The following LNX1 variants were observed in gnomAD, a reference collection of about 807,000 sequenced individuals.
LNX1 encodes ligand of numb-protein X 1, also known as E3 ubiquitin-protein ligase LNX.
In LNX1, 54 loss-of-function variants were observed where a neutral mutation model predicts 68.4. The observed-to-expected ratio is 0.79, with a 90% confidence interval of 0.63 to 0.99. LNX1 has a LOEUF of 0.99. LNX1 is among the 50% of genes least tolerant of loss of function. LNX1 has a pLI of 0.00. For missense variants in LNX1, 906 were observed against 926.4 expected, an observed-to-expected ratio of 0.98 and a Z score of 0.29; for synonymous variants, 336 against 350.0, an observed-to-expected ratio of 0.96 and a Z score of 0.45.
Position 53,460,162 on chromosome 4 carries a change from C to A in LNX1, c.*745G>T. The A allele has an allele frequency of 5.0e-6, 1 of 198,916 alleles. No homozygotes were observed. Among genetic ancestry groups the A allele is most frequent in the Non-Finnish European group, 1.0e-5 (1 of 96,184 alleles). The allele number at this position is 198,916 out of a possible 1,614,324, so 12.3% of individuals were successfully genotyped here. On this transcript the variant is annotated 3_prime_UTR_variant, in exon 11 of 11. Transcript: ENST00000263925. ...CATGACCATGTCTGTGAGCCAGGGT[C>A]AAGCTGGTTTGGCCTTCTTGATGCA...
At chr4:53,532,947 T>G (rs1461671806) in intron 2 of LNX1, among the ~76,000 whole-genome samples, 1 of 152,162 alleles carries the variant, frequency 6.6e-6, no homozygotes, top group African/African-American at 2.4e-5. Flanking sequence ...CTGTCCTCAT[T>G]TGGGTCCAAA....
chr4:53,498,822 A>C lies in LNX1; in HGVS notation c.797T>G (p.Leu266Arg). The C allele has an allele frequency of 6.2e-7, 1 of 1,613,790 alleles. No individual in the cohort carries two copies. Among genetic ancestry groups the C allele is most frequent in the Non-Finnish European group, 8.5e-7 (1 of 1,179,846 alleles). Residue 266 changes from leucine (L) to arginine (R), a missense_variant, in exon 5 of 11, where the codon CTG (leucine) becomes CGG (arginine). Transcript: ENST00000263925. ...APEVFPRLYH[L>R]IPDGEITSIK... ...GCTGGTAATTTCACCATCTGGAATC[A>C]GGTGGTACAACCTTGGAAAGACTGA... is the stretch of plus-strand genomic sequence containing the variant.
At chr4:53,534,684 G>C (rs1447233941) in intron 2 of LNX1, among the ~76,000 whole-genome samples, 1 of 152,106 alleles carries the variant, frequency 6.6e-6, no homozygotes, top group Non-Finnish European at 1.5e-5. Flanking sequence ...TTGGTCACTT[G>C]GCGTAAAACA....
upstream of LNX1, among the ~76,000 whole-genome samples, chr4:53,594,353 A>G (rs139130829): frequency 6.8e-4 from 103 of 152,146 alleles, no homozygotes; most frequent in East Asian, 0.016. Context: ...TTTTATGGTC[A>G]TTTTTCTCTG....
chr4:53,531,052 C>T (rs1444833047), intron 2 of LNX1, among the ~76,000 whole-genome samples: 2 of 152,156 alleles, frequency 1.3e-5, no homozygotes, highest in Non-Finnish European at 2.9e-5. Flanking sequence ...ATGGTCTCAG[C>T]TACTCAGGAG....
chr4:53,548,466 T>G (rs1296683709), intron 2 of LNX1, among the ~76,000 whole-genome samples: 5 of 152,232 alleles, frequency 3.3e-5, no homozygotes, highest in African/African-American at 9.6e-5. Flanking sequence ...TGGAGAAATT[T>G]ATTGATTGAT....
At chr4:53,598,466 CA>C (rs1333741350) in intron 2 of LNX1, among the ~76,000 whole-genome samples, 1 of 152,098 alleles carries the variant, frequency 6.6e-6, no homozygotes, top group African/African-American at 2.4e-5. Context: ...CTCCTGGGCC[CA>C]AGCGATCCTC....
At chr4:53,628,241 A>G (rs1734147016) in intron 1 of LNX1, among the ~76,000 whole-genome samples, 1 of 152,232 alleles carries the variant, frequency 6.6e-6, no homozygotes, top group Non-Finnish European at 1.5e-5. Context: ...TATGCAAACT[A>G]TGCATCCAAC....
At chr4:53,502,949 T>A (rs200629009) in intron 4 of LNX1, among the ~76,000 whole-genome samples, 1 of 132,048 alleles carries the variant, frequency 7.6e-6, no homozygotes, top group South Asian at 2.5e-4. Context: ...TTTTTTTTTT[T>A]AGATGGAATC....
At chr4:53,558,006 T>G (rs368582943) in intron 2 of LNX1, 7 of 1,611,488 alleles carry the variant, frequency 4.3e-6, no homozygotes, top group Admixed American at 1.7e-5. Flanking sequence ...CCACCTTCTG[T>G]CAGCTACAAG....
At chr4:53,542,319 T>C (rs1253564783) in intron 2 of LNX1, among the ~76,000 whole-genome samples, 3 of 152,228 alleles carry the variant, frequency 2.0e-5, no homozygotes, top group Non-Finnish European at 4.4e-5. Flanking sequence ...AATACTGTTG[T>C]TGTAATTAAG....
At chr4:53,633,186 T>C (rs1734339206) in intron 1 of LNX1, among the ~76,000 whole-genome samples, 1 of 152,340 alleles carries the variant, frequency 6.6e-6, no homozygotes, top group Non-Finnish European at 1.5e-5. Context: ...GATATTGTGA[T>C]GATCACATTA....
chr4:53,539,833 T>C (rs930018248), intron 2 of LNX1, among the ~76,000 whole-genome samples: 1 of 152,188 alleles, frequency 6.6e-6, no homozygotes, highest in Non-Finnish European at 1.5e-5. Flanking sequence ...GGGACAATGG[T>C]TTCTTGTAAT....
chr4:53,616,919 A>AT (rs1022324608), intron 1 of LNX1, among the ~76,000 whole-genome samples: 2 of 152,310 alleles, frequency 1.3e-5, no homozygotes, highest in Non-Finnish European at 2.9e-5. Flanking sequence ...AGTATTAAGC[A>AT]TAGTCATTTA....
intron 2 of LNX1, 68 bp from the exon 3 acceptor site, chr4:53,508,295 T>C: frequency 6.4e-7 from 1 of 1,565,778 alleles, no homozygotes; most frequent in Non-Finnish European, 8.7e-7. Context: ...GTCAGCCCTC[T>C]TCAAATACAA....
Position 53,470,661 on chromosome 4 carries a change from G to T in LNX1, c.1892+6092C>A, listed in dbSNP as rs555141582. Among the ~76,000 whole-genome samples, 5 of 152,202 alleles carry T rather than the reference G, an allele frequency of 3.3e-5. No individual in the cohort carries two copies. In the South Asian group the frequency reaches 8.3e-4, roughly 25 times the overall value. ...GCAAAGTCTCAGGATACAAATCAAC[G>T]TGCAAAAATCACAAGCATTCTTATA... On this transcript the variant is annotated intron_variant, in intron 9 of 10. Transcript: ENST00000263925.
intron 2 of LNX1, among the ~76,000 whole-genome samples, chr4:53,527,051 TAA>T (rs11415751): frequency 7.8e-4 from 95 of 121,474 alleles, no homozygotes; most frequent in Non-Finnish European, 1.2e-3. Flanking sequence ...TCCCTGCCCC[TAA>T]AAAAAAAAAA....
chr4:53,624,450 G>C (rs142927302), intron 1 of LNX1, among the ~76,000 whole-genome samples: 1 of 151,978 alleles, frequency 6.6e-6, no homozygotes, highest in Non-Finnish European at 1.5e-5. Context: ...CATGTCTTTC[G>C]CCATCTGCCA....
In LNX1 at chr4:53,459,504, T is replaced by TGTTA; in HGVS notation, c.*1399_*1402dup. On this transcript the variant is annotated 3_prime_UTR_variant, in exon 11 of 11. Coordinates refer to ENST00000263925, the MANE Select transcript of LNX1 (RefSeq NM_001126328.3). ...TACCAGAAGTAGATACTATAAATCT[T>TGTTA]GTTATTTTTCTGGATAATGTTTAAG... 1.2e-6 allele frequency: 2 copies of TGTTA among 1,607,704 alleles called. No individual in the cohort carries two copies. The highest frequency in any genetic ancestry group is 1.7e-6 in the Non-Finnish European group (2 of 1,176,186).
Sources: allele counts gnomAD v4.1 joint callset (sites outside exome capture counted in the v4.1 genomes callset), GRCh38; gene constraint gnomAD v4.1.1; transcripts MANE v1.5; gene names NCBI Gene and HGNC (gene_info 2026-07-23, HGNC 2026-07-21).